The following TOPAZ1 variants were observed in gnomAD, a reference collection of about 807,000 sequenced individuals.
TOPAZ1 encodes protein TOPAZ1.
TOPAZ1 carries 66 observed loss-of-function variants against 172.2 expected under a neutral mutation model. The ratio of observed to expected loss-of-function variants is 0.38; its 90% CI spans 0.31 to 0.47. TOPAZ1 has a LOEUF of 0.47. Among genes scored for constraint, TOPAZ1 ranks in the 20% least tolerant of loss-of-function variants. The pLI is 0.99. For synonymous variants in TOPAZ1, 681 were observed against 683.9 expected, an observed-to-expected ratio of 1.00 and a Z score of 0.07; for missense variants, 1,822 against 1,972.4, an observed-to-expected ratio of 0.92 and a Z score of 1.44.
At chr3:44,325,767 C>T (rs1034147236) in intron 18 of TOPAZ1, among the ~76,000 whole-genome samples, 33 of 152,148 alleles carry the variant, frequency 2.2e-4, no homozygotes, top group African/African-American at 7.7e-4. Context: ...CCTCAGCCTC[C>T]TGAGTAGCTG....
chr3:44,260,165 G>A lies in TOPAZ1; in HGVS notation c.2956-2254G>A, dbSNP rs111893496. On this transcript the variant is annotated intron_variant, in intron 4 of 19. Transcript: ENST00000309765. ...GGCCTCCCCAGCCGTGCTGAACTGC[G>A]AGTCAATTAAACCTCTTTCCTTATA... 3.9e-3 allele frequency among the ~76,000 whole-genome samples: 600 copies of A among 152,234 alleles called. 2 individuals are homozygous for A. The highest frequency in any genetic ancestry group is 0.017 in the Middle Eastern group (5 of 294).
At position 44,267,116 on chromosome 3, in the gene TOPAZ1, T is replaced by C; in HGVS notation, c.3140T>C (p.Ile1047Thr). The C allele has an allele frequency of 1.3e-6, 2 of 1,539,384 alleles. No individual in the cohort carries two copies. Among genetic ancestry groups the C allele is most frequent in the Non-Finnish European group, 1.8e-6 (2 of 1,142,460 alleles). Residue 1047 changes from isoleucine to threonine, a missense_variant, in exon 6 of 20, where the codon ATA becomes ACA. Physicochemically the swap from Ile to Thr is moderately conservative, Grantham distance 89. Around this residue, in one of 2 missense-constraint regions of TOPAZ1, gnomAD observed 1,489 missense variants for 1,490.8 expected, o/e 1.00. Coordinates refer to ENST00000309765, the MANE Select transcript of TOPAZ1 (RefSeq NM_001145030.2). ...CTAAGTGGTCGTCAAGAAGACACAA[T>C]ACTGAATACCTGGATGAATGGTACT... ...LNLSGRQEDTILNTWMNDFRF... is the reference protein window; with the variant it reads ...LNLSGRQEDTTLNTWMNDFRF...
intron 11 of TOPAZ1, among the ~76,000 whole-genome samples, chr3:44,289,832 A>G (rs543865023): frequency 3.2e-4 from 48 of 152,338 alleles, no homozygotes; most frequent in African/African-American, 8.7e-4. Context: ...CAAAGCATAC[A>G]TTCTCCCAAA....
chr3:44,282,735 A>T (rs1700037745), intron 9 of TOPAZ1, among the ~76,000 whole-genome samples: 2 of 152,100 alleles, frequency 1.3e-5, no homozygotes, highest in South Asian at 4.1e-4. Flanking sequence ...GTGGTAATAG[A>T]GCACTTTCAC....
chr3:44,259,250 G>T (rs969009147), intron 4 of TOPAZ1, among the ~76,000 whole-genome samples: 1 of 147,078 alleles, frequency 6.8e-6, no homozygotes, highest in Admixed American at 6.7e-5. Flanking sequence ...TTCCCTCTAG[G>T]TTCTGCCTGC....
At chr3:44,246,186 C>T (rs926330405) in intron 2 of TOPAZ1, among the ~76,000 whole-genome samples, 2 of 152,196 alleles carry the variant, frequency 1.3e-5, no homozygotes, top group Admixed American at 6.5e-5. Flanking sequence ...TCAAATAGGA[C>T]TAGTTTGCCC....
chr3:44,312,602 T>G (rs1700408671), intron 16 of TOPAZ1, among the ~76,000 whole-genome samples: 1 of 152,216 alleles, frequency 6.6e-6, no homozygotes, highest in African/African-American at 2.4e-5. Context: ...GTTTTGGCAT[T>G]TCACTTTGAC....
At chr3:44,259,179 G>A (rs959870461) in intron 4 of TOPAZ1, among the ~76,000 whole-genome samples, 1 of 152,032 alleles carries the variant, frequency 6.6e-6, no homozygotes, top group Non-Finnish European at 1.5e-5. Context: ...CCTGCCCTTG[G>A]GTATACAGCC....
chr3:44,280,272 T>TTTTCC (rs1268373097), intron 8 of TOPAZ1, among the ~76,000 whole-genome samples: 2 of 151,688 alleles, frequency 1.3e-5, no homozygotes, highest in Non-Finnish European at 2.9e-5. Context: ...ATGCTTTTTT[T>TTTTCC]TTTCCTTTCC....
intron 16 of TOPAZ1, 59 bp downstream of exon 16, chr3:44,310,049 C>A: frequency 7.0e-7 from 1 of 1,428,848 alleles, no homozygotes; most frequent in South Asian, 1.4e-5. Context: ...GCATTTTTGT[C>A]TATGTAATTA....
chr3:44,291,692 A>G (rs1700140077), intron 12 of TOPAZ1, among the ~76,000 whole-genome samples: 1 of 151,804 alleles, frequency 6.6e-6, no homozygotes, highest in Non-Finnish European at 1.5e-5. Flanking sequence ...GAAGGCCATG[A>G]CTTAAAAAAA....
At chr3:44,319,721 C>G (rs977508834) in intron 16 of TOPAZ1, among the ~76,000 whole-genome samples, 21 of 152,182 alleles carry the variant, frequency 1.4e-4, no homozygotes, top group African/African-American at 5.1e-4. Flanking sequence ...ACATTCCTAA[C>G]ACATAGTATA....
intron 2 of TOPAZ1, among the ~76,000 whole-genome samples, chr3:44,247,904 G>T (rs1003742651): frequency 6.6e-6 from 1 of 152,140 alleles, no homozygotes; most frequent in Non-Finnish European, 1.5e-5. Context: ...GCCTGCCTTG[G>T]CCTCCCAAAG....
intron 4 of TOPAZ1, among the ~76,000 whole-genome samples, chr3:44,261,181 T>G (rs1166808865): frequency 6.6e-6 from 1 of 152,190 alleles, no homozygotes; most frequent in Non-Finnish European, 1.5e-5. Context: ...AACTCTAGTA[T>G]TCTCATCCAG....
At chr3:44,292,411 T>C (rs1700147646) in intron 12 of TOPAZ1, among the ~76,000 whole-genome samples, 1 of 152,206 alleles carries the variant, frequency 6.6e-6, no homozygotes, top group African/African-American at 2.4e-5. Context: ...CAGAGCGATA[T>C]GTGAAAAACT....
At chr3:44,327,118 G>C (rs773146801) in intron 18 of TOPAZ1, among the ~76,000 whole-genome samples, 2 of 152,100 alleles carry the variant, frequency 1.3e-5, no homozygotes, top group Non-Finnish European at 2.9e-5. Flanking sequence ...AAAGCCCCTC[G>C]TCTATAACAT....
chr3:44,270,353 A>C (rs1374643808), intron 7 of TOPAZ1, among the ~76,000 whole-genome samples: 1 of 152,112 alleles, frequency 6.6e-6, no homozygotes, highest in African/African-American at 2.4e-5. Context: ...AGTCCATGGG[A>C]TATTTCTGTT....
chr3:44,281,549 T>C (rs1181435298), intron 8 of TOPAZ1, among the ~76,000 whole-genome samples: 1 of 152,222 alleles, frequency 6.6e-6, no homozygotes, highest in Non-Finnish European at 1.5e-5. Flanking sequence ...TAGAATTGAT[T>C]TTTGTTTATG....
At chr3:44,321,809 A>T (rs1700508451) in intron 17 of TOPAZ1, among the ~76,000 whole-genome samples, 1 of 152,180 alleles carries the variant, frequency 6.6e-6, no homozygotes, top group South Asian at 2.1e-4. Flanking sequence ...GAGCATTCTT[A>T]TCTGTTTCTC....
Sources: allele counts gnomAD v4.1 joint callset (sites outside exome capture counted in the v4.1 genomes callset), GRCh38; gene constraint gnomAD v4.1.1; regional missense constraint gnomAD v4.1.1; transcripts MANE v1.5; gene names NCBI Gene and HGNC (gene_info 2026-07-23, HGNC 2026-07-21).